Variants in NFATC2 observed in about 807,000 individuals in gnomAD.
NFATC2 encodes nuclear factor of activated T-cells, cytoplasmic 2.
In NFATC2, 22 loss-of-function variants were observed where a neutral mutation model predicts 87.3. The ratio of observed to expected loss-of-function variants is 0.25; its 90% confidence interval spans 0.18 to 0.36. The LOEUF is 0.36. Ranked by LOEUF, NFATC2 falls within the 10% of genes least tolerant of loss-of-function variation. The pLI is 1.00. For missense variants in NFATC2, 1,149 were observed against 1,259.1 expected, an observed-to-expected ratio of 0.91 and a Z score of 1.32; for synonymous variants, 565 against 542.2, an observed-to-expected ratio of 1.04 and a Z score of -0.58.
rs184742966 is a variant in NFATC2, at chr20:51,457,760, T to C, written c.1709-3072A>G. ...CCACCCCAGACCTGCCCAGCCCAGG[T>C]CTGCAGTTTTACAAGGAGCCCATGT... On this transcript the variant is annotated intron_variant, in intron 5 of 10. Transcript: ENST00000371564. Among the ~76,000 whole-genome samples the C allele has an allele frequency of 2.1e-3, 317 of 152,092 alleles. 1 individual carries two copies. The highest frequency in any genetic ancestry group is 3.6e-3 in the Non-Finnish European group (243 of 67,990).
chr20:51,411,958 C>T (rs571726824), intron 9 of NFATC2, among the ~76,000 whole-genome samples: 1 of 152,252 alleles, frequency 6.6e-6, no homozygotes, highest in South Asian at 2.1e-4. Flanking sequence ...GAGGTCCCAA[C>T]CTCAGTGAGA....
rs1988174707 is a variant in NFATC2 at position 51,402,656 on chromosome 20, C to G, written c.2723-3926G>C. Among the ~76,000 whole-genome samples the G allele has an allele frequency of 2.0e-5, 3 of 152,314 alleles. No individual in the cohort carries two copies. In the South Asian group the frequency reaches 6.2e-4, roughly 32 times the overall value. The stretch of plus-strand genomic sequence containing the variant: ...CCCCTCTGGGGGTTAGAGGAATTAA[C>G]CAAACATTTCTTTTAAGACATTTGA... On this transcript the variant is annotated intron_variant, in intron 9 of 10. Transcript: ENST00000371564.
rs143273284 is a variant in NFATC2, at chr20:51,519,835, G to C, written c.1161-2880C>G. 3.1e-3 allele frequency among the ~76,000 whole-genome samples: 458 copies of C among 149,968 alleles called. 5 individuals are homozygous for C. The highest frequency in any genetic ancestry group is 0.011 in the African/African-American group (430 of 40,692). The stretch of plus-strand genomic sequence containing the variant: ...GGAGGCTGAAGCAGGAGAATCACTT[G>C]AACCCAGGAGGCAGAGGTTGCAGTG... On this transcript the variant is annotated intron_variant, in intron 2 of 10. Coordinates refer to ENST00000371564, the MANE Select transcript of NFATC2 (RefSeq NM_012340.5).
chr20:51,481,412 C>G (rs530234038), intron 3 of NFATC2, among the ~76,000 whole-genome samples: 86 of 152,212 alleles, frequency 5.7e-4, no homozygotes, highest in African/African-American at 1.9e-3. Context: ...ACTCCAGGCA[C>G]AGCAGACACA....
At chr20:51,441,566 A>G (rs1464265301) in intron 6 of NFATC2, among the ~76,000 whole-genome samples, 1 of 151,348 alleles carries the variant, frequency 6.6e-6, no homozygotes, top group African/African-American at 2.4e-5. Context: ...AAATACAAAA[A>G]ATTAGCTGGG....
intron 5 of NFATC2, among the ~76,000 whole-genome samples, chr20:51,460,473 C>A (rs1264188703): frequency 6.6e-6 from 1 of 152,166 alleles, no homozygotes; most frequent in Non-Finnish European, 1.5e-5. Flanking sequence ...AGGTTAGCAA[C>A]ACTAAAAGCT....
chr20:51,487,981 G>A (rs1251673465), intron 3 of NFATC2, among the ~76,000 whole-genome samples: 2 of 152,136 alleles, frequency 1.3e-5, no homozygotes, highest in African/African-American at 4.8e-5. Context: ...CGGTGACCTG[G>A]GGAGAGGCGG....
At chr20:51,504,109 G>A (rs990424075) in intron 3 of NFATC2, among the ~76,000 whole-genome samples, 3 of 152,078 alleles carry the variant, frequency 2.0e-5, no homozygotes, top group African/African-American at 7.2e-5. Context: ...TGCAACCTCC[G>A]CCTCCCGGGT....
chr20:51,425,456 C>G (rs953402992), intron 9 of NFATC2, among the ~76,000 whole-genome samples: 2 of 152,184 alleles, frequency 1.3e-5, no homozygotes, highest in South Asian at 4.1e-4. Flanking sequence ...CTTGGCTGGG[C>G]AACTGCCTGG....
At chr20:51,561,443 G>GA (rs56241418) in intron 1 of NFATC2, among the ~76,000 whole-genome samples, 3 of 96,050 alleles carry the variant, frequency 3.1e-5, no homozygotes, top group African/African-American at 7.9e-5. Flanking sequence ...AAGAAAGAAA[G>GA]AAAGAAAGAA....
At chr20:51,458,485 T>C (rs895163874) in intron 5 of NFATC2, among the ~76,000 whole-genome samples, 15 of 151,728 alleles carry the variant, frequency 9.9e-5, no homozygotes, top group Admixed American at 4.6e-4. Flanking sequence ...GACCCCAGCA[T>C]TGTTTTTATC....
chr20:51,446,767 T>C (rs1462447712), intron 6 of NFATC2, among the ~76,000 whole-genome samples: 1 of 152,230 alleles, frequency 6.6e-6, no homozygotes, highest in African/African-American at 2.4e-5. Context: ...GATCGCATCT[T>C]TGGAGAGCAG....
At position 51,398,721 on chromosome 20, in the gene NFATC2, TC is replaced by T; in HGVS notation, c.2731del (p.Asp911ThrfsTer15). On this transcript the variant is annotated frameshift_variant, in exon 10 of 11. Coordinates refer to ENST00000371564, the MANE Select transcript of NFATC2 (RefSeq NM_012340.5). LOFTEE classifies it high-confidence loss of function. ...DQTYLDDELI[D>X]THLSWIQNIL ...GTTTTGTATCCAGCTAAGGTGTGTG[TC>T]TATCAGCTCTGAAAAAGATTTGCAA... is the stretch of plus-strand genomic sequence containing the variant. 6.2e-7 allele frequency: 1 copy of T among 1,611,124 alleles called. No homozygotes were observed. The highest frequency in any genetic ancestry group is 8.5e-7 in the Non-Finnish European group (1 of 1,177,868).
chr20:51,398,409 G>A (rs1017527943), intron 10 of NFATC2, among the ~76,000 whole-genome samples: 1 of 152,216 alleles, frequency 6.6e-6, no homozygotes, highest in African/African-American at 2.4e-5. Flanking sequence ...CGGGGAGCAT[G>A]CAAGTTAATG....
At chr20:51,559,841 T>A (rs956861842) in intron 1 of NFATC2, among the ~76,000 whole-genome samples, 1 of 152,228 alleles carries the variant, frequency 6.6e-6, no homozygotes. Context: ...GTTTACTGCA[T>A]GTTAAGCACA....
chr20:51,451,689 G>A (rs1985804721), intron 6 of NFATC2, among the ~76,000 whole-genome samples: 1 of 152,236 alleles, frequency 6.6e-6, no homozygotes, highest in Non-Finnish European at 1.5e-5. Flanking sequence ...ATTACCGCCT[G>A]AGCGCTGCCT....
At chr20:51,403,857 C>T (rs1026607034) in intron 9 of NFATC2, among the ~76,000 whole-genome samples, 1 of 152,120 alleles carries the variant, frequency 6.6e-6, no homozygotes, top group African/African-American at 2.4e-5. Flanking sequence ...GCCACTAAGT[C>T]TATGATATTT....
At chr20:51,449,986 G>T (rs1985572808) in intron 6 of NFATC2, among the ~76,000 whole-genome samples, 1 of 152,020 alleles carries the variant, frequency 6.6e-6, no homozygotes, top group Non-Finnish European at 1.5e-5. Flanking sequence ...AGTCTTACTT[G>T]TCTTTGTTTT....
intron 3 of NFATC2, among the ~76,000 whole-genome samples, chr20:51,490,744 C>T (rs1170413221): frequency 2.0e-5 from 3 of 151,732 alleles, no homozygotes; most frequent in East Asian, 1.9e-4. Flanking sequence ...TATTTGAGCC[C>T]GGGAGTTTGA....
Sources: allele counts gnomAD v4.1 joint callset (sites outside exome capture counted in the v4.1 genomes callset), GRCh38; gene constraint gnomAD v4.1.1; transcripts MANE v1.5; gene names NCBI Gene and HGNC (gene_info 2026-07-23, HGNC 2026-07-21).